Variants in TNFAIP8L2 observed in about 807,000 individuals in gnomAD.
The protein encoded by TNFAIP8L2 is tumor necrosis factor alpha-induced protein 8-like protein 2.
TNFAIP8L2 carries 2 observed loss-of-function variants against 5.6 expected under a neutral mutation model. The observed-to-expected ratio is 0.36, with a 90% confidence interval of 0.15 to 1.13. The LOEUF (loss-of-function observed/expected upper bound fraction) is 1.13. TNFAIP8L2 is among the 50% of genes most tolerant of loss of function. The pLI, the probability that TNFAIP8L2 is intolerant of heterozygous loss-of-function variation, is 0.40. For synonymous variants in TNFAIP8L2, 91 were observed against 101.1 expected (o/e 0.90, Z 0.60); for missense variants, 216 against 241.8 (o/e 0.89, Z 0.71).
At chr1:151,158,531 C>T in intron 1 of TNFAIP8L2, 135 bp from the exon 2 acceptor site, 1 of 630,962 alleles carries the variant, frequency 1.6e-6, no homozygotes, top group Admixed American at 3.0e-5. Context: ...AGGAGCAAGG[C>T]ATAGAGGACT....
In TNFAIP8L2 at chr1:151,159,306, C is replaced by A; in HGVS notation, c.*54C>A. On this transcript the variant is annotated 3_prime_UTR_variant, in exon 2 of 2. Coordinates refer to ENST00000368910, the MANE Select transcript of TNFAIP8L2 (RefSeq NM_024575.5). ...GACAAAATGGTTGACTGAGAAAACA[C>A]AGATAATGGGCTTCCTAACCCTGCT... The A allele has an allele frequency of 6.5e-7, 1 of 1,536,346 alleles. No homozygotes were observed. The highest frequency in any genetic ancestry group is 8.8e-7 in the Non-Finnish European group (1 of 1,130,164).
At chr1:151,158,059 TC>T (rs1355288787) in intron 1 of TNFAIP8L2, among the ~76,000 whole-genome samples, 1 of 152,040 alleles carries the variant, frequency 6.6e-6, no homozygotes, top group Non-Finnish European at 1.5e-5. Context: ...GCGTGGTGGC[TC>T]ACGCCTGTAT....
chr1:151,158,730 G>A lies in TNFAIP8L2; in HGVS notation c.33G>A (p.Leu11=). MESFSSKSLA[L]QAEKKLLSKM... ...CCTTCAGCTCAAAGAGCCTGGCACT[G>A]CAAGCAGAGAAGAAGCTACTGAGTA... The change falls in exon 2 of 2, where the codon CTG becomes CTA. Residue 11 remains leucine, a synonymous_variant. Coordinates refer to ENST00000368910, the MANE Select transcript of TNFAIP8L2 (RefSeq NM_024575.5). 1 of 1,610,838 alleles carries A rather than the reference G, an allele frequency of 6.2e-7. No homozygotes were observed. The highest frequency in any genetic ancestry group is 1.1e-5 in the South Asian group (1 of 90,658).
chr1:151,156,852 G>A (rs60636837), intron 1 of TNFAIP8L2, 130 bp downstream of exon 1: 3,215 of 152,400 alleles, frequency 0.021, 96 homozygotes, highest in African/African-American at 0.073. Flanking sequence ...CCTTTGTAGA[G>A]CTTAGCTTAG....
intron 1 of TNFAIP8L2, among the ~76,000 whole-genome samples, chr1:151,157,434 C>T (rs587696546): frequency 2.0e-3 from 308 of 152,330 alleles, no homozygotes; most frequent in African/African-American, 7.1e-3. Context: ...AGAAGAACCA[C>T]AGGCGAAGAC....
At position 151,158,797 on chromosome 1, in the gene TNFAIP8L2, A is replaced by T; in HGVS notation, c.100A>T (p.Thr34Ser). The T allele has an allele frequency of 6.2e-7, 1 of 1,614,042 alleles. No individual in the cohort carries two copies. The highest frequency in any genetic ancestry group is 8.5e-7 in the Non-Finnish European group (1 of 1,179,988). The change falls in exon 2 of 2, where the codon ACA (threonine) becomes TCA (serine). Residue 34 changes from threonine (T) to serine (S), a missense_variant. Coordinates refer to ENST00000368910, the MANE Select transcript of TNFAIP8L2 (RefSeq NM_024575.5). Reference sequence around the variant, plus strand: ...TGTGGCTCATCTCTTCATAGATGAGACAAGCAGTGAGGTGCTAGATGAGCT... The same window carrying T: ...TGTGGCTCATCTCTTCATAGATGAGTCAAGCAGTGAGGTGCTAGATGAGCT... ...RSVAHLFIDE[T>S]SSEVLDELYR...
In TNFAIP8L2 at chr1:151,158,275, A is replaced by G. The variant is rs190932817; in HGVS notation, c.-32-391A>G. Among the ~76,000 whole-genome samples, 422 of 151,420 alleles carry G rather than the reference A, an allele frequency of 2.8e-3. 3 individuals are homozygous for G. The highest frequency in any genetic ancestry group is 9.7e-3 in the African/African-American group (400 of 41,210). On this transcript the variant is annotated intron_variant, in intron 1 of 1. Transcript: ENST00000368910. ...GAGGTGGAGGTTGCAGTGAACAGAG[A>G]TCACACCACTGCACTCCAGCCTGGG...
chr1:151,159,332 C>T lies in TNFAIP8L2; in HGVS notation c.*80C>T, dbSNP rs116142156. ...AGATAATGGGCTTCCTAACCCTGCT[C>T]ACCTGGCACTAACACTTTTCAATCT... On this transcript the variant is annotated 3_prime_UTR_variant, in exon 2 of 2. Coordinates refer to ENST00000368910, the MANE Select transcript of TNFAIP8L2 (RefSeq NM_024575.5). 5.0e-4 allele frequency: 682 copies of T among 1,371,842 alleles called. 4 individuals carry two copies. In the African/African-American group the frequency reaches 8.6e-3, roughly 17 times the overall value. 85.0% of individuals were successfully genotyped at this position (1,371,842 alleles called of 1,614,324 possible).
chr1:151,159,464 C>A lies in TNFAIP8L2; in HGVS notation c.*212C>A. ...TGAGGGGTGAGGCCTCTCTCCCACT[C>A]CAGCCCCAGGACAGGAAACAGAACT... On this transcript the variant is annotated 3_prime_UTR_variant, in exon 2 of 2. Coordinates refer to ENST00000368910, the MANE Select transcript of TNFAIP8L2 (RefSeq NM_024575.5). The A allele has an allele frequency of 1.8e-6, 1 of 558,012 alleles. No homozygotes were observed. The highest frequency in any genetic ancestry group is 3.3e-6 in the Non-Finnish European group (1 of 304,280). The allele number at this position is 558,012 out of a possible 1,614,324, so 34.6% of individuals were successfully genotyped here.
intron 1 of TNFAIP8L2, 31 bp downstream of exon 1, chr1:151,156,753 CTT>C (rs1187081098): frequency 6.6e-6 from 1 of 152,234 alleles, no homozygotes; most frequent in Non-Finnish European, 1.5e-5. Context: ...GAATGGTAGA[CTT>C]TAGGGGTAAT....
At chr1:151,157,603 C>T (rs754161675) in intron 1 of TNFAIP8L2, among the ~76,000 whole-genome samples, 3 of 152,106 alleles carry the variant, frequency 2.0e-5, no homozygotes, top group Non-Finnish European at 4.4e-5. Context: ...GGGAGCATTC[C>T]GGGGAAGGAG....
In TNFAIP8L2 at chr1:151,159,189, C is replaced by T; in HGVS notation, c.492C>T (p.Phe164=). The part of the protein sequence containing the change: ...GLLTALYGPD[F]TQHLGKICDG... ...TCACGGCCCTCTATGGGCCTGACTT[C>T]ACTCAGCACCTTGGCAAGATCTGTG... The change falls in exon 2 of 2, where the codon TTC becomes TTT. Residue 164 remains phenylalanine, a synonymous_variant. Transcript: ENST00000368910. 1 of 1,614,228 alleles carries T rather than the reference C, an allele frequency of 6.2e-7. No individual in the cohort carries two copies. Among genetic ancestry groups the T allele is most frequent in the Non-Finnish European group, 8.5e-7 (1 of 1,180,040 alleles).
chr1:151,157,407 T>TAAGAAGCAAAACAACCAG (rs1454194802), intron 1 of TNFAIP8L2, among the ~76,000 whole-genome samples: 2 of 151,658 alleles, frequency 1.3e-5, no homozygotes, highest in Non-Finnish European at 2.9e-5. Context: ...GAGGGGGAAG[T>TAAGAAGCAAAACAACCAG]AAGAAGCAAA....
chr1:151,159,256 C>T lies in TNFAIP8L2; in HGVS notation c.*4C>T, dbSNP rs191361625. On this transcript the variant is annotated 3_prime_UTR_variant, in exon 2 of 2. Transcript: ENST00000368910. ...GCTAGACGAAGGGAAGCTCTGAGAGCCCTGAGCCTAGCACATTCCACCTTG... is the reference window on the plus strand; with the variant it reads ...GCTAGACGAAGGGAAGCTCTGAGAGTCCTGAGCCTAGCACATTCCACCTTG... The T allele has an allele frequency of 6.2e-6, 10 of 1,608,736 alleles. No individual in the cohort carries two copies. In the Admixed American group the frequency reaches 8.4e-5, roughly 13 times the overall value.
rs142679161 is a variant in TNFAIP8L2 at position 151,159,031 on chromosome 1, G to A, written c.334G>A (p.Glu112Lys). The A allele has an allele frequency of 2.3e-4, 373 of 1,614,206 alleles. 2 individuals are homozygous for A. The highest frequency in any genetic ancestry group is 9.8e-4 in the Admixed American group (59 of 60,030). Reference sequence around the variant, plus strand: ...CTTTGGTGAGGTAGACTTCACCTTCGAGGCTGCTGTTCTGGCTGGCCTGCT... The same window carrying A: ...CTTTGGTGAGGTAGACTTCACCTTCAAGGCTGCTGTTCTGGCTGGCCTGCT... ...LSFGEVDFTF[E>K]AAVLAGLLTE... The change falls in exon 2 of 2, where the codon GAG becomes AAG. Residue 112 changes from glutamate to lysine, a missense_variant. Coordinates refer to ENST00000368910, the MANE Select transcript of TNFAIP8L2 (RefSeq NM_024575.5).
In TNFAIP8L2 at chr1:151,159,488, C is replaced by G. The variant is rs1683358337; in HGVS notation, c.*236C>G. ...TCCAGCCCCAGGACAGGAAACAGAA[C>G]TGCCTGAAAAAGGTGAAGTGAAACT... On this transcript the variant is annotated 3_prime_UTR_variant, in exon 2 of 2. Coordinates refer to ENST00000368910, the MANE Select transcript of TNFAIP8L2 (RefSeq NM_024575.5). 1 of 495,870 alleles carries G rather than the reference C, an allele frequency of 2.0e-6. No homozygotes were observed. The highest frequency in any genetic ancestry group is 3.8e-6 in the Non-Finnish European group (1 of 266,096). 30.7% of individuals were successfully genotyped at this position (495,870 alleles called of 1,614,324 possible).
At position 151,159,415 on chromosome 1, in the gene TNFAIP8L2, C is replaced by G; in HGVS notation, c.*163C>G. ...ACTCTGAGACCAGCCCACCCCCAAA[C>G]AGCTAGTGGAGAAGGAGCAATGCTG... On this transcript the variant is annotated 3_prime_UTR_variant, in exon 2 of 2. Transcript: ENST00000368910. The G allele has an allele frequency of 1.4e-6, 1 of 711,990 alleles. No homozygotes were observed. The highest frequency in any genetic ancestry group is 2.3e-6 in the Non-Finnish European group (1 of 428,798). The allele number at this position is 711,990 out of a possible 1,614,324, so 44.1% of individuals were successfully genotyped here.
intron 1 of TNFAIP8L2, among the ~76,000 whole-genome samples, 166 bp downstream of exon 1, chr1:151,156,888 G>T (rs1053518452): frequency 1.3e-5 from 2 of 152,188 alleles, no homozygotes; most frequent in African/African-American, 4.8e-5. Context: ...GGCAGCCTCT[G>T]AAAGACCTGG....
At chr1:151,157,554 T>C (rs1683266934) in intron 1 of TNFAIP8L2, among the ~76,000 whole-genome samples, 1 of 152,154 alleles carries the variant, frequency 6.6e-6, no homozygotes, top group South Asian at 2.1e-4. Flanking sequence ...TCTTGAGGTG[T>C]TGGCTTCTCG....
Sources: gnomAD v4.1 joint callset for allele counts (sites outside exome capture counted in the v4.1 genomes callset) on GRCh38, gnomAD v4.1.1 for gene constraint, MANE v1.5 for transcripts, NCBI Gene and HGNC (gene_info 2026-07-23, HGNC 2026-07-21) for gene names.